PAN3: variants seen among roughly 807,000 people sequenced by gnomAD.
PAN3 encodes PAN2-PAN3 deadenylation complex subunit PAN3.
Under a neutral mutation model 96.2 loss-of-function variants are expected in PAN3, and 19 were observed. The ratio of observed to expected loss-of-function variants is 0.20; its 90% confidence interval spans 0.14 to 0.29. PAN3 has a LOEUF of 0.29. Among genes scored for constraint, PAN3 ranks in the 10% least tolerant of loss-of-function variants. PAN3 has a pLI of 1.00. For missense variants in PAN3, 882 were observed against 1,108.1 expected, an observed-to-expected ratio of 0.80 and a Z score of 2.90; for synonymous variants, 433 against 406.6, an observed-to-expected ratio of 1.06 and a Z score of -0.78.
At chr13:28,272,329 GGT>G in intron 14 of PAN3, 1 of 253,154 alleles carries the variant, frequency 4.0e-6, no homozygotes, top group South Asian at 1.0e-4. Context: ...AGAGTGCAGT[GGT>G]GCTGTCAGCT....
intron 9 of PAN3, among the ~76,000 whole-genome samples, chr13:28,262,330 T>C (rs1440599333): frequency 6.6e-6 from 1 of 152,232 alleles, no homozygotes; most frequent in East Asian, 1.9e-4. Flanking sequence ...TGAAATATGA[T>C]ATAATTTAGT....
At chr13:28,177,469 T>C (rs1017931377) in intron 3 of PAN3, among the ~76,000 whole-genome samples, 1 of 152,170 alleles carries the variant, frequency 6.6e-6, no homozygotes, top group Non-Finnish European at 1.5e-5. Flanking sequence ...TCAGAGTCTA[T>C]GGTTGACACT....
At chr13:28,201,100 A>G (rs1033067197) in intron 5 of PAN3, among the ~76,000 whole-genome samples, 11 of 151,276 alleles carry the variant, frequency 7.3e-5, no homozygotes, top group African/African-American at 2.4e-4. Flanking sequence ...TAATGCAATC[A>G]TGGCTCACCT....
intron 12 of PAN3, among the ~76,000 whole-genome samples, chr13:28,268,769 CTAAT>C (rs1257291152): frequency 6.6e-6 from 1 of 152,008 alleles, no homozygotes; most frequent in Non-Finnish European, 1.5e-5. Flanking sequence ...TTTCAAGACT[CTAAT>C]TATAGACAAA....
intron 4 of PAN3, among the ~76,000 whole-genome samples, chr13:28,179,463 C>T (rs1875478150): frequency 6.6e-6 from 1 of 152,134 alleles, no homozygotes; most frequent in Admixed American, 6.5e-5. Flanking sequence ...GCCTATAATG[C>T]CAACACTTTG....
intron 1 of PAN3, among the ~76,000 whole-genome samples, chr13:28,148,042 A>G (rs1870902856): frequency 6.6e-6 from 1 of 151,760 alleles, no homozygotes; most frequent in South Asian, 2.1e-4. Context: ...TGCAGTCTCG[A>G]CTTGCTGGGC....
At chr13:28,196,904 TAAGTA>T (rs1878125962) in intron 4 of PAN3, among the ~76,000 whole-genome samples, 1 of 152,222 alleles carries the variant, frequency 6.6e-6, no homozygotes, top group African/African-American at 2.4e-5. Context: ...TTCTATTCAT[TAAGTA>T]AAGTCGTATA....
At chr13:28,184,608 T>C (rs555882465) in intron 4 of PAN3, among the ~76,000 whole-genome samples, 7 of 152,296 alleles carry the variant, frequency 4.6e-5, no homozygotes, top group Admixed American at 3.3e-4. Context: ...TTTTTATAAT[T>C]GACAGACAAC....
intron 6 of PAN3, among the ~76,000 whole-genome samples, chr13:28,247,777 G>C (rs1241308928): frequency 1.3e-5 from 2 of 152,188 alleles, no homozygotes. Context: ...CTGTTCCATT[G>C]GTCTGTGTGT....
Position 28,197,167 on chromosome 13 carries a change from TTTCC to T in PAN3, c.691-14_691-11del. 6.2e-7 allele frequency: 1 copy of T among 1,608,978 alleles called. No individual in the cohort carries two copies. The highest frequency in any genetic ancestry group is 2.2e-5 in the East Asian group (1 of 44,732). On this transcript the variant is annotated splice_polypyrimidine_tract_variant and intron_variant, in intron 4 of 18. Coordinates refer to ENST00000380958, the MANE Select transcript of PAN3 (RefSeq NM_175854.8). ...GGGATGTTAGGAGTGGCCTGGTTTC[TTTCC>T]TTCTTTTTCCTAGCCAAGGAAGTAT... is the stretch of plus-strand genomic sequence containing the variant.
rs112630957 is a variant in PAN3, at chr13:28,266,725, A to G, written c.1422A>G (p.Thr474=). 9.3e-4 allele frequency: 1,466 copies of G among 1,583,336 alleles called. 1 individual carries two copies. Among genetic ancestry groups the G allele is most frequent in the Non-Finnish European group, 1.2e-3 (1,384 of 1,167,776 alleles). The change falls in exon 10 of 19, where the codon ACA becomes ACG. Residue 474 remains threonine (T), a synonymous_variant. Transcript: ENST00000380958. ...TATGAATTACTCTAGCAGTTCCTAC[A>G]GAGGTTGACAGCTACCATAGCCTAT... is the stretch of plus-strand genomic sequence containing the variant. The part of the protein sequence containing the change: ...IDQADMPAVP[T]EVDSYHSLFP...
chr13:28,149,090 C>T (rs1170927387), intron 1 of PAN3, among the ~76,000 whole-genome samples: 2 of 151,994 alleles, frequency 1.3e-5, no homozygotes, highest in African/African-American at 4.8e-5. Flanking sequence ...TGTGGCGACT[C>T]ATACCTGTAA....
chr13:28,178,032 AGAG>A lies in PAN3; in HGVS notation c.690+98_690+100del. 3.7e-6 allele frequency: 4 copies of A among 1,095,584 alleles called. No individual in the cohort carries two copies. The South Asian group carries it at 5.5e-5, about 15-fold the overall frequency. The allele number at this position is 1,095,584 out of a possible 1,614,324, so 67.9% of individuals were successfully genotyped here. A position where few individuals can be genotyped will look rare whatever the true frequency, so the allele number is the denominator to read the frequency against. On this transcript the variant is annotated intron_variant, in intron 4 of 18. Transcript: ENST00000380958. ...TGTCAATGTTTTTGTAAGTGGAGGG[AGAG>A]CTTTTTATGGGCTTTAGTGTTTTTC... is the stretch of plus-strand genomic sequence containing the variant.
chr13:28,255,729 C>A (rs1398348337), intron 6 of PAN3, among the ~76,000 whole-genome samples: 1 of 151,546 alleles, frequency 6.6e-6, no homozygotes, highest in East Asian at 1.9e-4. Context: ...GGCACTTAAG[C>A]TGCTATGTAT....
chr13:28,209,848 A>C (rs1255700535), intron 5 of PAN3, among the ~76,000 whole-genome samples: 1 of 151,682 alleles, frequency 6.6e-6, no homozygotes, highest in Non-Finnish European at 1.5e-5. Flanking sequence ...TGGCATGATC[A>C]CAGCTCACTG....
chr13:28,288,257 A>G, intron 18 of PAN3, 135 bp downstream of exon 18: 1 of 743,568 alleles, frequency 1.3e-6, no homozygotes. Flanking sequence ...TTTATTAATA[A>G]CATTTTCTAC....
intron 6 of PAN3, among the ~76,000 whole-genome samples, chr13:28,256,088 G>C (rs969625550): frequency 6.6e-6 from 1 of 152,014 alleles, no homozygotes; most frequent in Non-Finnish European, 1.5e-5. Flanking sequence ...TTGGAAATAA[G>C]TACATTTGAA....
At chr13:28,283,644 T>C (rs757766083) in intron 17 of PAN3, among the ~76,000 whole-genome samples, 2 of 152,252 alleles carry the variant, frequency 1.3e-5, no homozygotes, top group Non-Finnish European at 1.5e-5. Flanking sequence ...TATTTAGATA[T>C]GTTTAGTATA....
intron 5 of PAN3, among the ~76,000 whole-genome samples, chr13:28,205,874 A>G (rs1395016237): frequency 2.0e-5 from 3 of 151,760 alleles, no homozygotes; most frequent in Admixed American, 1.3e-4. Flanking sequence ...AAAAAAAAAA[A>G]AAAGAAAAGA....
Sources: gnomAD v4.1 joint callset for allele counts (sites outside exome capture counted in the v4.1 genomes callset) on GRCh38, gnomAD v4.1.1 for gene constraint, MANE v1.5 for transcripts, NCBI Gene and HGNC (gene_info 2026-07-23, HGNC 2026-07-21) for gene names.